ILDR2: variants seen among roughly 807,000 people sequenced by gnomAD.
The protein encoded by ILDR2 is immunoglobulin like domain containing receptor 2, also known as immunoglobulin-like domain-containing receptor 2.
ILDR2 carries 25 observed loss-of-function variants against 66.8 expected under a neutral mutation model. The observed-to-expected ratio is 0.37, with a 90% CI of 0.27 to 0.52. The LOEUF is 0.52. ILDR2 is among the 20% of genes least tolerant of loss of function. The pLI, the probability that ILDR2 is intolerant of heterozygous loss-of-function variation, is 0.88. For missense variants in ILDR2, 827 were observed against 876.8 expected (o/e 0.94, Z 0.72); for synonymous variants, 367 against 357.2 (o/e 1.03, Z -0.31).
chr1:166,905,587 C>A (rs1571256295), downstream of ILDR2, among the ~76,000 whole-genome samples: 3 of 152,232 alleles, frequency 2.0e-5, no homozygotes, highest in African/African-American at 7.2e-5. Context: ...TTTCCAGGCC[C>A]CTCTGAGATG....
rs1341084463 is a variant in ILDR2, at chr1:166,936,833, G to A, written c.557-96C>T. The A allele has an allele frequency of 6.6e-6, 8 of 1,203,780 alleles. No homozygotes were observed. The highest frequency in any genetic ancestry group is 9.6e-6 in the Non-Finnish European group (8 of 834,668). The allele number at this position is 1,203,780 out of a possible 1,614,324, so 74.6% of individuals were successfully genotyped here. A position where few individuals can be genotyped will look rare whatever the true frequency, so the allele number is the denominator to read the frequency against. ...ATCTCCCGGTGAAAGGGGGAGAGGAGGAGGGACCTAGGGAAGAAAGCTTCT... is the reference window on the plus strand; with the variant it reads ...ATCTCCCGGTGAAAGGGGGAGAGGAAGAGGGACCTAGGGAAGAAAGCTTCT... On this transcript the variant is annotated intron_variant, in intron 4 of 9. Transcript: ENST00000271417. This position sits in a 1 kb window ranked among gnomAD's most constrained non-coding sequence, Gnocchi z 5.0.
Position 166,921,129 on chromosome 1 carries a change from G to A in ILDR2, c.1462C>T (p.Leu488=), listed in dbSNP as rs761792238. 5.3e-5 allele frequency: 81 copies of A among 1,529,886 alleles called. No individual in the cohort carries two copies. Among genetic ancestry groups the A allele is most frequent in the Admixed American group, 7.9e-5 (4 of 50,742 alleles). 94.8% of individuals were successfully genotyped at this position (1,529,886 alleles called of 1,614,324 possible). Reference sequence around the variant, plus strand: ...GCCCAGCCGCGGTCAGCATCGGTCAGGGGCTCGCGGCTGCGGCTGCGCTGA... The same window carrying A: ...GCCCAGCCGCGGTCAGCATCGGTCAAGGGCTCGCGGCTGCGGCTGCGCTGA... ...YGQRSRSREP[L]TDADRGWAFS... is the part of the protein sequence containing the mutation. The change falls in exon 9 of 10, where the codon CTG becomes TTG. Residue 488 remains leucine, a synonymous_variant. Transcript: ENST00000271417. This position sits in a 1 kb window ranked among gnomAD's most constrained non-coding sequence, Gnocchi z 5.3.
intron 9 of ILDR2, 46 bp from the exon 10 acceptor site, chr1:166,919,436 A>G (rs770549662): frequency 6.4e-7 from 1 of 1,564,368 alleles, no homozygotes; most frequent in Admixed American, 1.7e-5. Flanking sequence ...CATGCTAGTT[A>G]AAGAAAACAA....
At chr1:166,931,068 C>T (rs1445949509) in intron 6 of ILDR2, among the ~76,000 whole-genome samples, 3 of 152,192 alleles carry the variant, frequency 2.0e-5, no homozygotes, top group East Asian at 3.8e-4. Flanking sequence ...CTTCATACTT[C>T]ACCTCCTCTA....
intron 1 of ILDR2, among the ~76,000 whole-genome samples, chr1:166,966,987 C>T (rs998769878): frequency 6.6e-6 from 1 of 152,254 alleles, no homozygotes; most frequent in Admixed American, 6.5e-5. Flanking sequence ...GCACCTCAAA[C>T]TCATCCATCT....
intron 6 of ILDR2, chr1:166,933,622 T>C: frequency 1.4e-6 from 1 of 733,878 alleles, no homozygotes; most frequent in Non-Finnish European, 1.7e-6. Context: ...AGTAAGTATT[T>C]GCTATTCTAT....
chr1:166,942,324 G>A (rs1281826282), intron 3 of ILDR2, among the ~76,000 whole-genome samples: 1 of 152,232 alleles, frequency 6.6e-6, no homozygotes, highest in East Asian at 1.9e-4. Flanking sequence ...AGCAGGTAAT[G>A]CAAATGAGTG....
At position 166,914,159 on chromosome 1, in the gene ILDR2, G is replaced by C. The variant is rs1659556346; in HGVS notation, c.*5196C>G. 1.3e-5 allele frequency: 2 copies of C among 152,528 alleles called. No homozygotes were observed. Among genetic ancestry groups the C allele is most frequent in the South Asian group, 4.2e-4 (2 of 4,806 alleles). The allele number at this position is 152,528 out of a possible 1,614,324, so 9.4% of individuals were successfully genotyped here. A position where few individuals can be genotyped will look rare whatever the true frequency, so the allele number is the denominator to read the frequency against. Reference sequence around the variant, plus strand: ...AGAAAAAGAAAACGAAACTCTCCTTGAGTGAAGCTACAACTCCCTCTTAGA... The same window carrying C: ...AGAAAAAGAAAACGAAACTCTCCTTCAGTGAAGCTACAACTCCCTCTTAGA... On this transcript the variant is annotated 3_prime_UTR_variant, in exon 10 of 10. Coordinates refer to ENST00000271417, the MANE Select transcript of ILDR2 (RefSeq NM_199351.3).
chr1:166,943,942 T>A, intron 3 of ILDR2: 1 of 690,682 alleles, frequency 1.4e-6, no homozygotes, highest in Non-Finnish European at 1.8e-6. Flanking sequence ...AGTTTTTATG[T>A]AAGCGCTCAA....
chr1:166,933,972 T>C (rs1239424523), intron 6 of ILDR2, among the ~76,000 whole-genome samples: 4 of 152,212 alleles, frequency 2.6e-5, no homozygotes, highest in Admixed American at 6.5e-5. Context: ...TTAGGTGGGC[T>C]AGATACCCTT....
intron 9 of ILDR2, among the ~76,000 whole-genome samples, chr1:166,919,876 A>G (rs1659799348): frequency 6.6e-6 from 1 of 152,144 alleles, no homozygotes; most frequent in African/African-American, 2.4e-5. Flanking sequence ...AAAAAACGGA[A>G]TGGTGGGGAG....
At chr1:166,970,150 TC>T (rs1424509025) in intron 1 of ILDR2, among the ~76,000 whole-genome samples, 3 of 152,190 alleles carry the variant, frequency 2.0e-5, no homozygotes, top group African/African-American at 7.2e-5. Context: ...GTAAGATTCA[TC>T]CCATCTCGTC....
intron 1 of ILDR2, among the ~76,000 whole-genome samples, chr1:166,972,169 G>A (rs1290469985): frequency 6.6e-6 from 1 of 151,824 alleles, no homozygotes; most frequent in Non-Finnish European, 1.5e-5. Flanking sequence ...CCGAGATGGT[G>A]CCAATGCACT....
At chr1:166,972,348 C>T (rs1334500721) in intron 1 of ILDR2, among the ~76,000 whole-genome samples, 9 of 152,240 alleles carry the variant, frequency 5.9e-5, no homozygotes, top group Admixed American at 5.2e-4. Flanking sequence ...ACAGCTCCAG[C>T]GTTTCTCACA....
At chr1:166,966,364 C>A (rs778687239) in intron 1 of ILDR2, among the ~76,000 whole-genome samples, 1 of 152,148 alleles carries the variant, frequency 6.6e-6, no homozygotes, top group African/African-American at 2.4e-5. Context: ...ACCAGATGTA[C>A]CATCTTGAAA....
chr1:166,937,870 G>C (rs1661078595), intron 4 of ILDR2, among the ~76,000 whole-genome samples: 1 of 152,158 alleles, frequency 6.6e-6, no homozygotes, highest in African/African-American at 2.4e-5. Flanking sequence ...GTTTTTCTTA[G>C]ATTTTGATTA....
Position 166,921,113 on chromosome 1 carries a change from C to A in ILDR2, c.1478G>T (p.Arg493Leu). 6.6e-7 allele frequency: 1 copy of A among 1,517,430 alleles called. No homozygotes were observed. Among genetic ancestry groups the A allele is most frequent in the Non-Finnish European group, 8.8e-7 (1 of 1,139,282 alleles). The allele number at this position is 1,517,430 out of a possible 1,614,324, so 94.0% of individuals were successfully genotyped here. A position where few individuals can be genotyped will look rare whatever the true frequency, so the allele number is the denominator to read the frequency against. The change falls in exon 9 of 10, where the codon CGC becomes CTC. Residue 493 changes from arginine (R) to leucine (L), a missense_variant. Physicochemically the swap from Arg to Leu is moderately radical, Grantham distance 102. Around this residue, in one of 2 missense-constraint regions of ILDR2, gnomAD observed 390 missense variants for 353.6 expected, o/e 1.10. Coordinates refer to ENST00000271417, the MANE Select transcript of ILDR2 (RefSeq NM_199351.3). The surrounding 1 kb of genome is among the most constrained non-coding windows in gnomAD (Gnocchi z 5.3). ...GCGCGCGGGGCTGAAGGCCCAGCCGCGGTCAGCATCGGTCAGGGGCTCGCG... is the reference window on the plus strand; with the variant it reads ...GCGCGCGGGGCTGAAGGCCCAGCCGAGGTCAGCATCGGTCAGGGGCTCGCG... ...RSREPLTDAD[R>L]GWAFSPARRR...
At chr1:166,930,464 T>C (rs1423975977) in intron 6 of ILDR2, among the ~76,000 whole-genome samples, 1 of 152,204 alleles carries the variant, frequency 6.6e-6, no homozygotes, top group Non-Finnish European at 1.5e-5. Context: ...TTTAGGAGTA[T>C]CATCCATTTG....
chr1:166,902,725 A>G (rs868353624), intron 2 of ILDR2, among the ~76,000 whole-genome samples: 127 of 152,332 alleles, frequency 8.3e-4, no homozygotes, highest in African/African-American at 2.9e-3. Flanking sequence ...CCCATTCTAC[A>G]TTTTGTAGGC....
Sources: allele counts gnomAD v4.1 joint callset (sites outside exome capture counted in the v4.1 genomes callset), GRCh38; gene constraint gnomAD v4.1.1; regional missense constraint gnomAD v4.1.1; non-coding constraint Gnocchi (gnomAD v3.1); transcripts MANE v1.5; gene names NCBI Gene and HGNC (gene_info 2026-07-23, HGNC 2026-07-21).